The following FBXL20 variants were observed in gnomAD, a reference collection of about 807,000 sequenced individuals.
FBXL20 encodes the protein F-box/LRR-repeat protein 20.
In FBXL20, 11 loss-of-function variants were observed where a neutral mutation model predicts 64.0. That is an observed-to-expected ratio of 0.17 (90% confidence interval 0.11 to 0.28). The LOEUF (loss-of-function observed/expected upper bound fraction) is 0.28. FBXL20 is among the 10% of genes least tolerant of loss of function. FBXL20 has a pLI of 1.00. For missense variants in FBXL20, 303 were observed against 526.2 expected (o/e 0.58, Z 4.15); for synonymous variants, 184 against 189.0 (o/e 0.97, Z 0.22).
chr17:39,298,236 A>G (rs1477246462), intron 5 of FBXL20, among the ~76,000 whole-genome samples: 1 of 152,096 alleles, frequency 6.6e-6, no homozygotes, highest in African/African-American at 2.4e-5. Context: ...TACTTCACTC[A>G]GTATCCCAAG....
At chr17:39,378,847 G>A (rs980784493) in intron 1 of FBXL20, among the ~76,000 whole-genome samples, 7 of 151,468 alleles carry the variant, frequency 4.6e-5, no homozygotes, top group African/African-American at 1.5e-4. Context: ...CTGACCTCAG[G>A]TGATCCGCCT....
chr17:39,402,290 G>GCCGCCGCCTCCC (rs2048256563), upstream of FBXL20: 3 of 1,098,242 alleles, frequency 2.7e-6, no homozygotes, highest in Non-Finnish European at 3.5e-6. Flanking sequence ...GGTTGCCGCC[G>GCCGCCGCCTCCC]CCGCCGCCTC....
intron 1 of FBXL20, among the ~76,000 whole-genome samples, chr17:39,361,188 G>A (rs578198445): frequency 6.6e-6 from 1 of 152,200 alleles, no homozygotes; most frequent in East Asian, 1.9e-4. Context: ...GAAACCATGG[G>A]AAGATCTAGA....
At chr17:39,302,969 T>C (rs936277784) in intron 3 of FBXL20, among the ~76,000 whole-genome samples, 10 of 151,836 alleles carry the variant, frequency 6.6e-5, no homozygotes, top group African/African-American at 2.4e-4. Context: ...TAGAGTGCAG[T>C]GGTGTGATCT....
chr17:39,341,467 G>A (rs1000121380), intron 2 of FBXL20, among the ~76,000 whole-genome samples: 1 of 152,158 alleles, frequency 6.6e-6, no homozygotes, highest in East Asian at 1.9e-4. Context: ...AGAGGCAGAG[G>A]TCATGCTGGA....
intron 1 of FBXL20, among the ~76,000 whole-genome samples, chr17:39,386,767 T>G (rs2048085289): frequency 6.6e-6 from 1 of 152,216 alleles, no homozygotes; most frequent in South Asian, 2.1e-4. Context: ...GTGTATCCAC[T>G]TCTAATTCCA....
At chr17:39,283,814 T>C (rs1460499873) in intron 7 of FBXL20, among the ~76,000 whole-genome samples, 3 of 152,222 alleles carry the variant, frequency 2.0e-5, no homozygotes, top group Non-Finnish European at 4.4e-5. Flanking sequence ...CATATTTGTA[T>C]TATGGATGAA....
chr17:39,335,076 C>T (rs1268900359), intron 2 of FBXL20, among the ~76,000 whole-genome samples: 1 of 152,184 alleles, frequency 6.6e-6, no homozygotes, highest in Non-Finnish European at 1.5e-5. Context: ...CTCTCCACTT[C>T]CCAGGCATTG....
At chr17:39,286,836 C>G (rs554645364) in intron 6 of FBXL20, among the ~76,000 whole-genome samples, 1 of 151,966 alleles carries the variant, frequency 6.6e-6, no homozygotes, top group African/African-American at 2.4e-5. Flanking sequence ...CTTCTTCCCC[C>G]CTTTTTTATT....
At chr17:39,303,719 C>G in intron 2 of FBXL20, 80 bp from the exon 3 acceptor site, 2 of 1,273,316 alleles carry the variant, frequency 1.6e-6, no homozygotes, top group South Asian at 2.8e-5. Flanking sequence ...CAGGGTCTCA[C>G]TCTGTCAGCC....
intron 10 of FBXL20, among the ~76,000 whole-genome samples, chr17:39,272,402 A>ATT (rs1321051104): frequency 1.8e-5 from 2 of 110,580 alleles, no homozygotes; most frequent in Non-Finnish European, 3.9e-5. Flanking sequence ...AAAAAAAAAA[A>ATT]TTTTTTTTTT....
intron 2 of FBXL20, among the ~76,000 whole-genome samples, chr17:39,324,072 C>T (rs1244199430): frequency 7.3e-6 from 1 of 137,434 alleles, no homozygotes. Flanking sequence ...AGCCACCGTG[C>T]CTGGCCTATA....
Position 39,281,198 on chromosome 17 carries a change from T to A in FBXL20, c.696+191A>T, listed in dbSNP as rs554206147. Among the ~76,000 whole-genome samples the A allele has an allele frequency of 3.3e-5, 5 of 152,310 alleles. No homozygotes were observed. The East Asian group carries it at 7.7e-4, about 23-fold the overall frequency. ...CTGCATAAGCTAGCTACCTCCTATC[T>A]TATCTATGCCAAGGCCCCTAGGAAT... On this transcript the variant is annotated intron_variant, in intron 9 of 14. Transcript: ENST00000264658.
At chr17:39,373,088 G>A (rs1259076898) in intron 1 of FBXL20, among the ~76,000 whole-genome samples, 2 of 150,724 alleles carry the variant, frequency 1.3e-5, no homozygotes, top group Admixed American at 1.3e-4. Context: ...CGTCTATATA[G>A]AAACCTACCC....
At chr17:39,380,608 C>A (rs1339931602) in intron 1 of FBXL20, among the ~76,000 whole-genome samples, 1 of 152,178 alleles carries the variant, frequency 6.6e-6, no homozygotes, top group Non-Finnish European at 1.5e-5. Context: ...TCCCTTCCCC[C>A]CTTTCCTGCC....
intron 12 of FBXL20, among the ~76,000 whole-genome samples, chr17:39,268,341 G>A (rs2046810637): frequency 2.0e-5 from 3 of 151,904 alleles, no homozygotes; most frequent in African/African-American, 7.3e-5. Flanking sequence ...CAACAACAGT[G>A]AAATTCCATC....
chr17:39,327,601 T>G (rs1052455637), intron 2 of FBXL20, among the ~76,000 whole-genome samples: 1 of 152,114 alleles, frequency 6.6e-6, no homozygotes, highest in Non-Finnish European at 1.5e-5. Flanking sequence ...TTACATAAGA[T>G]GTACACACGC....
rs552906187 is a variant in FBXL20 at position 39,301,234 on chromosome 17, A to G, written c.160-159T>C. Among the ~76,000 whole-genome samples the G allele has an allele frequency of 2.0e-5, 3 of 152,282 alleles. No individual in the cohort carries two copies. The East Asian group carries it at 5.8e-4, about 29-fold the overall frequency. On this transcript the variant is annotated intron_variant, in intron 3 of 14. Transcript: ENST00000264658. ...TCCCAAATGATGTGTCTTACTCCTG[A>G]CCCATATTGTATTCTCCAATTAGAT...
intron 1 of FBXL20, among the ~76,000 whole-genome samples, chr17:39,347,911 G>A (rs1489051278): frequency 7.9e-5 from 12 of 151,820 alleles, no homozygotes; most frequent in African/African-American, 2.7e-4. Context: ...TCTACATATG[G>A]CAAGCCAGTT....
Sources: allele counts gnomAD v4.1 joint callset (sites outside exome capture counted in the v4.1 genomes callset), GRCh38; gene constraint gnomAD v4.1.1; transcripts MANE v1.5; gene names NCBI Gene and HGNC (gene_info 2026-07-23, HGNC 2026-07-21).